Variants in EBF1 observed in about 807,000 individuals in gnomAD.
EBF1 encodes EBF transcription factor 1, also known as transcription factor COE1.
EBF1 carries 10 observed loss-of-function variants against 68.4 expected under a neutral mutation model. The observed-to-expected ratio is 0.15, with a 90% CI of 0.09 to 0.25. The LOEUF is 0.25. Ranked by LOEUF, EBF1 falls within the 10% of genes least tolerant of loss-of-function variation. The pLI is 1.00. For synonymous variants in EBF1, 298 were observed against 299.8 expected (o/e 0.99, Z 0.06); for missense variants, 509 against 794.4 (o/e 0.64, Z 4.32).
At chr5:159,028,914 G>A (rs1231286234) in intron 6 of EBF1, among the ~76,000 whole-genome samples, 1 of 152,224 alleles carries the variant, frequency 6.6e-6, no homozygotes, top group Non-Finnish European at 1.5e-5. Flanking sequence ...TGAGGCTGGA[G>A]TGTGGCAGAG....
chr5:158,901,716 G>A (rs1803386944), intron 6 of EBF1, among the ~76,000 whole-genome samples: 1 of 152,170 alleles, frequency 6.6e-6, no homozygotes, highest in Admixed American at 6.5e-5. Context: ...CCCCTTTTTA[G>A]AGATATGAAA....
intron 15 of EBF1, among the ~76,000 whole-genome samples, chr5:158,700,745 T>C (rs1756570253): frequency 6.6e-6 from 1 of 152,230 alleles, no homozygotes; most frequent in South Asian, 2.1e-4. Flanking sequence ...ATGTTTCTGA[T>C]TCATTTACAC....
In EBF1 at chr5:158,978,833, C is replaced by CAGAGAGAG. The variant is rs60855237; in HGVS notation, c.554+94562_554+94563insCTCTCTCT. On this transcript the variant is annotated intron_variant, in intron 6 of 15. Transcript: ENST00000313708. ...ACACACACACACACACACACACACA[C>CAGAGAGAG]ACAGAGAGAGAGTCCACAGTTCTCT... Among the ~76,000 whole-genome samples the CAGAGAGAG allele has an allele frequency of 3.2e-3, 388 of 120,168 alleles. 1 individual carries two copies. The highest frequency in any genetic ancestry group is 0.01 in the African/African-American group (352 of 33,666). 78.8% of individuals were successfully genotyped at this position (120,168 alleles called of 152,430 possible).
chr5:158,928,131 A>G (rs773013446), intron 6 of EBF1, among the ~76,000 whole-genome samples: 1 of 152,322 alleles, frequency 6.6e-6, no homozygotes, highest in South Asian at 2.1e-4. Flanking sequence ...TGTCAGATAC[A>G]TAAGGGTTCA....
chr5:158,891,299 T>A (rs1801125520), intron 6 of EBF1, among the ~76,000 whole-genome samples: 1 of 152,218 alleles, frequency 6.6e-6, no homozygotes, highest in African/African-American at 2.4e-5. Context: ...CAGTGGTCTC[T>A]GAGCAACGAA....
chr5:158,888,284 G>T (rs1800445523), intron 6 of EBF1, among the ~76,000 whole-genome samples: 1 of 152,058 alleles, frequency 6.6e-6, no homozygotes, highest in Non-Finnish European at 1.5e-5. Flanking sequence ...GCGTGTGTGT[G>T]TGTTTGTTGT....
chr5:158,762,259 A>G (rs1771636073), intron 10 of EBF1, among the ~76,000 whole-genome samples: 1 of 152,212 alleles, frequency 6.6e-6, no homozygotes, highest in Non-Finnish European at 1.5e-5. Context: ...AACAACTTTA[A>G]TTGAATACTT....
chr5:158,768,109 C>A (rs1246667572), intron 10 of EBF1, among the ~76,000 whole-genome samples: 1 of 152,100 alleles, frequency 6.6e-6, no homozygotes, highest in Non-Finnish European at 1.5e-5. Flanking sequence ...CTTGGAGCAA[C>A]ACACACCCAC....
chr5:158,755,822 C>G (rs1238384391), intron 10 of EBF1, among the ~76,000 whole-genome samples: 1 of 151,966 alleles, frequency 6.6e-6, no homozygotes, highest in Non-Finnish European at 1.5e-5. Context: ...TGGGTCAGGA[C>G]CTATCCGTGG....
intron 11 of EBF1, among the ~76,000 whole-genome samples, chr5:158,724,778 A>G (rs1470158335): frequency 1.3e-5 from 2 of 152,192 alleles, no homozygotes; most frequent in African/African-American, 4.8e-5. Context: ...TAAATGGCTG[A>G]TTTACTAAAT....
chr5:159,028,999 C>T (rs1427324961), intron 6 of EBF1, among the ~76,000 whole-genome samples: 2 of 152,094 alleles, frequency 1.3e-5, no homozygotes, highest in Non-Finnish European at 2.9e-5. Context: ...TGTTTCACAA[C>T]CCTAAAGTAT....
At chr5:159,084,546 C>G (rs1193940938) in intron 5 of EBF1, 120 bp downstream of exon 5, 7 of 785,594 alleles carry the variant, frequency 8.9e-6, no homozygotes, top group South Asian at 2.8e-5. Context: ...TTTAGATTGT[C>G]TATAGAAGCA....
intron 6 of EBF1, among the ~76,000 whole-genome samples, chr5:158,964,927 C>T (rs190369617): frequency 6.6e-6 from 1 of 152,332 alleles, no homozygotes; most frequent in East Asian, 1.9e-4. Flanking sequence ...ATATATTTCA[C>T]ATTTGTCAAA....
At chr5:159,097,970 G>A (rs1291312603) in intron 1 of EBF1, among the ~76,000 whole-genome samples, 1 of 152,142 alleles carries the variant, frequency 6.6e-6, no homozygotes, top group Non-Finnish European at 1.5e-5. Flanking sequence ...CGAGCGCCCC[G>A]CGCACACACT....
At chr5:158,948,147 T>G (rs1453632799) in intron 6 of EBF1, among the ~76,000 whole-genome samples, 1 of 151,874 alleles carries the variant, frequency 6.6e-6, no homozygotes, top group African/African-American at 2.4e-5. Flanking sequence ...AGGGTACGGG[T>G]GGGTGTGTCA....
chr5:158,938,135 A>T (rs1343939863), intron 6 of EBF1, among the ~76,000 whole-genome samples: 6 of 152,076 alleles, frequency 3.9e-5, no homozygotes, highest in Non-Finnish European at 7.4e-5. Context: ...TTTGTTTGAG[A>T]CCCTTTTCAA....
intron 6 of EBF1, among the ~76,000 whole-genome samples, chr5:158,957,196 T>C (rs1817311337): frequency 6.6e-6 from 1 of 152,234 alleles, no homozygotes; most frequent in Non-Finnish European, 1.5e-5. Flanking sequence ...ATGAGAAAAC[T>C]GAGGCTTCAT....
chr5:158,796,776 A>AT (rs1431741706), intron 8 of EBF1, among the ~76,000 whole-genome samples: 58 of 152,208 alleles, frequency 3.8e-4, no homozygotes, highest in Non-Finnish European at 6.0e-4. Flanking sequence ...AATGCTAAGG[A>AT]TTTTTTTCTT....
At chr5:158,787,133 G>A (rs886789298) in intron 9 of EBF1, among the ~76,000 whole-genome samples, 4 of 152,204 alleles carry the variant, frequency 2.6e-5, no homozygotes, top group African/African-American at 9.6e-5. Flanking sequence ...TAATGTGGCT[G>A]TACAACTGCT....
Sources: allele counts gnomAD v4.1 joint callset (sites outside exome capture counted in the v4.1 genomes callset), GRCh38; gene constraint gnomAD v4.1.1; transcripts MANE v1.5; gene names NCBI Gene and HGNC (gene_info 2026-07-23, HGNC 2026-07-21).